Variants in TRPM3 observed in about 807,000 individuals in gnomAD.
TRPM3 encodes the protein long transient receptor potential channel 3.
Under a neutral mutation model 181.2 loss-of-function variants are expected in TRPM3, and 77 were observed. That is an observed-to-expected ratio of 0.42 (90% CI 0.35 to 0.51). The LOEUF is 0.51. Among genes scored for constraint, TRPM3 ranks in the 20% least tolerant of loss-of-function variants. The pLI is 0.01. For synonymous variants in TRPM3, 745 were observed against 796.4 expected (o/e 0.94, Z 1.09); for missense variants, 1,759 against 2,196.7 (o/e 0.80, Z 3.98).
intron 1 of TRPM3, among the ~76,000 whole-genome samples, chr9:71,334,414 C>T (rs1396513551): frequency 6.6e-6 from 1 of 151,690 alleles, no homozygotes; most frequent in Non-Finnish European, 1.5e-5. Context: ...ATTTCTAATA[C>T]AAAAATGTAC....
chr9:70,989,199 GA>G (rs1003756709), intron 1 of TRPM3, among the ~76,000 whole-genome samples: 3 of 151,642 alleles, frequency 2.0e-5, no homozygotes, highest in African/African-American at 4.8e-5. Flanking sequence ...GATATTCTTT[GA>G]AAAAAAATTC....
chr9:70,650,624 G>C (rs189598988), intron 9 of TRPM3, among the ~76,000 whole-genome samples: 3 of 152,230 alleles, frequency 2.0e-5, no homozygotes, highest in Admixed American at 2.0e-4. Flanking sequence ...TTGGAGACCA[G>C]TTATGCTTTT....
intron 1 of TRPM3, among the ~76,000 whole-genome samples, chr9:70,871,820 C>A (rs1254464458): frequency 1.3e-5 from 2 of 152,012 alleles, no homozygotes; most frequent in East Asian, 3.9e-4. Context: ...TACTGTGCTT[C>A]TTCCTCACTC....
chr9:70,948,201 T>C (rs1410648447), intron 1 of TRPM3, among the ~76,000 whole-genome samples: 1 of 152,064 alleles, frequency 6.6e-6, no homozygotes, highest in African/African-American at 2.4e-5. Context: ...ATATATCATC[T>C]TGGCTTATGT....
intron 1 of TRPM3, among the ~76,000 whole-genome samples, chr9:71,410,583 T>C (rs1331253211): frequency 6.6e-6 from 1 of 152,014 alleles, no homozygotes; most frequent in East Asian, 1.9e-4. Flanking sequence ...CTGAATAGAC[T>C]AGTAACAGGC....
At chr9:71,329,899 T>G (rs909951484) in intron 1 of TRPM3, among the ~76,000 whole-genome samples, 5 of 152,208 alleles carry the variant, frequency 3.3e-5, no homozygotes, top group Admixed American at 1.3e-4. Flanking sequence ...CATGAACCCT[T>G]GTACAAATAA....
At position 70,529,738 on chromosome 9, in the gene TRPM3, A is replaced by G. The variant is rs1276406188; in HGVS notation, c.*6215T>C. The G allele has an allele frequency of 6.6e-6, 1 of 152,150 alleles. No individual in the cohort carries two copies. The highest frequency in any genetic ancestry group is 1.5e-5 in the Non-Finnish European group (1 of 68,024). 9.4% of individuals were successfully genotyped at this position (152,150 alleles called of 1,614,324 possible). A position where few individuals can be genotyped will look rare whatever the true frequency, so the allele number is the denominator to read the frequency against. ...TTGTGTGTACACTCACCAAGTCACT[A>G]TCAAGAATCTGATCCTGTTGGCTCT... On this transcript the variant is annotated 3_prime_UTR_variant, in exon 26 of 26. Transcript: ENST00000677713.
In TRPM3 at chr9:70,864,525, C is replaced by CAAA. The variant is rs71367234; in HGVS notation, c.178-17_178-15dup. ...GGATTTCTGAGCCTGAAAAAGAAAA[C>CAAA]AAAAAAAAAAAAAAAAGAAAAAAGA... On this transcript the variant is annotated splice_polypyrimidine_tract_variant and intron_variant, in intron 1 of 25. Coordinates refer to ENST00000677713, the MANE Select transcript of TRPM3 (RefSeq NM_001366145.2). 28,234 of 891,084 alleles carry CAAA rather than the reference C, an allele frequency of 0.032. 513 individuals carry two copies. The highest frequency in any genetic ancestry group is 0.043 in the African/African-American group (1,992 of 46,500). 55.2% of individuals were successfully genotyped at this position (891,084 alleles called of 1,614,324 possible). A position where few individuals can be genotyped will look rare whatever the true frequency, so the allele number is the denominator to read the frequency against.
intron 1 of TRPM3, among the ~76,000 whole-genome samples, chr9:71,278,548 G>A (rs2084403748): frequency 6.6e-6 from 1 of 152,178 alleles, no homozygotes; most frequent in South Asian, 2.1e-4. Flanking sequence ...AAACAGTATA[G>A]GTTATTAGGC....
chr9:71,392,626 T>G (rs1588818794), intron 1 of TRPM3, among the ~76,000 whole-genome samples: 1 of 152,124 alleles, frequency 6.6e-6, no homozygotes, highest in African/African-American at 2.4e-5. Flanking sequence ...TGCCTCTCTA[T>G]CAGAAGGAAT....
chr9:70,961,335 G>A (rs1354312516), intron 1 of TRPM3, among the ~76,000 whole-genome samples: 1 of 152,062 alleles, frequency 6.6e-6, no homozygotes, highest in East Asian at 1.9e-4. Flanking sequence ...AACCCATTTT[G>A]GACTTCTGAC....
intron 1 of TRPM3, among the ~76,000 whole-genome samples, chr9:71,072,852 A>G (rs2062956519): frequency 6.6e-6 from 1 of 152,160 alleles, no homozygotes; most frequent in Admixed American, 6.5e-5. Flanking sequence ...TTGTGATTAG[A>G]CACATCTGAA....
At chr9:70,943,129 G>C (rs1740854198) in intron 1 of TRPM3, among the ~76,000 whole-genome samples, 1 of 152,122 alleles carries the variant, frequency 6.6e-6, no homozygotes, top group East Asian at 1.9e-4. Context: ...TTGTTAAATA[G>C]GAATAATGCC....
intron 1 of TRPM3, among the ~76,000 whole-genome samples, chr9:71,392,153 G>T (rs2093077111): frequency 6.6e-6 from 1 of 152,068 alleles, no homozygotes; most frequent in Non-Finnish European, 1.5e-5. Context: ...GTGAAATAGA[G>T]TGTGCTTGCC....
chr9:70,681,420 G>A, intron 9 of TRPM3, 86 bp downstream of exon 9: 1 of 1,114,912 alleles, frequency 9.0e-7, no homozygotes, highest in South Asian at 1.3e-5. Context: ...TATCATTTGG[G>A]ATTATATCTA....
intron 1 of TRPM3, among the ~76,000 whole-genome samples, chr9:71,277,070 ATTACT>A (rs2084272561): frequency 6.6e-6 from 1 of 152,224 alleles, no homozygotes; most frequent in Non-Finnish European, 1.5e-5. Flanking sequence ...ATGTGATCTC[ATTACT>A]TAAATTACCA....
intron 1 of TRPM3, among the ~76,000 whole-genome samples, chr9:71,226,422 G>A (rs1245444835): frequency 6.6e-6 from 1 of 151,996 alleles, no homozygotes; most frequent in Non-Finnish European, 1.5e-5. Context: ...GCAACAATCT[G>A]TTGCCTACAA....
intron 25 of TRPM3, among the ~76,000 whole-genome samples, 158 bp from the exon 26 acceptor site, chr9:70,537,563 T>C (rs2042114528): frequency 1.3e-5 from 2 of 152,168 alleles, no homozygotes; most frequent in South Asian, 4.1e-4. Flanking sequence ...GAGAATGACA[T>C]TGATGCTGTG....
chr9:71,362,393 G>T (rs1203592232), intron 1 of TRPM3, among the ~76,000 whole-genome samples: 2 of 152,178 alleles, frequency 1.3e-5, no homozygotes, highest in African/African-American at 4.8e-5. Flanking sequence ...CCTTCTTTCA[G>T]AATAGCAAGA....
Sources: allele counts gnomAD v4.1 joint callset (sites outside exome capture counted in the v4.1 genomes callset), GRCh38; gene constraint gnomAD v4.1.1; transcripts MANE v1.5; gene names NCBI Gene and HGNC (gene_info 2026-07-23, HGNC 2026-07-21).